Variants in ATG10 observed in about 807,000 individuals in gnomAD.
The protein encoded by ATG10 is autophagy related 10.
A neutral mutation model predicts 32.1 loss-of-function variants in ATG10; 30 were observed. That is an observed-to-expected ratio of 0.94 (90% CI 0.70 to 1.27). ATG10 has a LOEUF of 1.27. ATG10 is among the 50% of genes most tolerant of loss of function. The pLI is 0.00. For synonymous variants in ATG10, 87 were observed against 91.5 expected, an observed-to-expected ratio of 0.95 and a Z score of 0.28; for missense variants, 233 against 262.3, an observed-to-expected ratio of 0.89 and a Z score of 0.77.
At chr5:82,000,713 G>T (rs1458382011) in intron 2 of ATG10, among the ~76,000 whole-genome samples, 1 of 152,136 alleles carries the variant, frequency 6.6e-6, no homozygotes, top group Non-Finnish European at 1.5e-5. Context: ...CTGGAGTGCA[G>T]TGGCACAATC....
chr5:82,151,846 CT>C (rs1168791949), intron 3 of ATG10, among the ~76,000 whole-genome samples: 1 of 114,502 alleles, frequency 8.7e-6, no homozygotes, highest in Non-Finnish European at 2.0e-5. Flanking sequence ...TGAATAAAAC[CT>C]CTTACAGCTA....
chr5:82,097,457 CAGG>C (rs1476522864), intron 3 of ATG10, among the ~76,000 whole-genome samples: 4 of 152,130 alleles, frequency 2.6e-5, no homozygotes, highest in Non-Finnish European at 5.9e-5. Flanking sequence ...AAAGAAGTCT[CAGG>C]AGAAGTCACA....
At chr5:82,032,489 C>A (rs1040533143) in intron 2 of ATG10, among the ~76,000 whole-genome samples, 1 of 151,954 alleles carries the variant, frequency 6.6e-6, no homozygotes, top group Non-Finnish European at 1.5e-5. Flanking sequence ...TTTTACTGTT[C>A]TTTTTCCTCT....
chr5:82,229,526 A>C (rs1746263193), intron 5 of ATG10, among the ~76,000 whole-genome samples: 1 of 152,206 alleles, frequency 6.6e-6, no homozygotes. Flanking sequence ...AACTGTAATT[A>C]ATATATAATT....
chr5:82,127,567 G>A (rs1009395671), intron 3 of ATG10, among the ~76,000 whole-genome samples: 7 of 152,128 alleles, frequency 4.6e-5, no homozygotes, highest in Admixed American at 4.6e-4. Context: ...GGAGCAGGTT[G>A]TTCATTTTCC....
intron 5 of ATG10, among the ~76,000 whole-genome samples, chr5:82,185,006 C>G (rs1486413336): frequency 1.3e-5 from 2 of 152,182 alleles, no homozygotes; most frequent in East Asian, 3.9e-4. Context: ...TTCATGAAAC[C>G]TACTGTGTAC....
In ATG10 at chr5:82,206,581, C is replaced by T. The variant is rs192456544; in HGVS notation, c.453+27994C>T. Among the ~76,000 whole-genome samples, 236 of 149,940 alleles carry T rather than the reference C, an allele frequency of 1.6e-3. 2 individuals carry two copies. The highest frequency in any genetic ancestry group is 5.4e-3 in the African/African-American group (220 of 40,642). On this transcript the variant is annotated intron_variant, in intron 5 of 7. Transcript: ENST00000282185. ...AGGAGAATCACTTGAACCTGCGAGGCGGAGGTTGCAGTGAGCCGAGATCGC... is the reference window on the plus strand; with the variant it reads ...AGGAGAATCACTTGAACCTGCGAGGTGGAGGTTGCAGTGAGCCGAGATCGC...
At chr5:82,137,351 A>G (rs1452370478) in intron 3 of ATG10, among the ~76,000 whole-genome samples, 2 of 152,166 alleles carry the variant, frequency 1.3e-5, no homozygotes, top group Non-Finnish European at 2.9e-5. Flanking sequence ...TCGTGGATTT[A>G]TCTACCTTTG....
At chr5:82,006,161 T>G (rs1341305368) in intron 2 of ATG10, among the ~76,000 whole-genome samples, 1 of 152,234 alleles carries the variant, frequency 6.6e-6, no homozygotes, top group African/African-American at 2.4e-5. Flanking sequence ...TTTGCCATTA[T>G]GCTAATACAT....
intron 2 of ATG10, among the ~76,000 whole-genome samples, chr5:82,044,894 C>T (rs1763190993): frequency 1.3e-5 from 2 of 152,194 alleles, no homozygotes; most frequent in Admixed American, 1.3e-4. Flanking sequence ...ACAAAAGGCT[C>T]CTCTGAGGAT....
chr5:82,028,821 C>T (rs1219138846), intron 2 of ATG10, among the ~76,000 whole-genome samples: 1 of 151,982 alleles, frequency 6.6e-6, no homozygotes, highest in African/African-American at 2.4e-5. Context: ...AATAAATAAA[C>T]CTAATAGAAA....
At chr5:82,132,298 G>A (rs1766572455) in intron 3 of ATG10, among the ~76,000 whole-genome samples, 1 of 151,942 alleles carries the variant, frequency 6.6e-6, no homozygotes, top group Middle Eastern at 3.4e-3. Context: ...TGTGCAGAAT[G>A]TGCAGGTTTG....
At chr5:82,170,296 G>T (rs1184425792) in intron 4 of ATG10, among the ~76,000 whole-genome samples, 1 of 152,160 alleles carries the variant, frequency 6.6e-6, no homozygotes, top group Non-Finnish European at 1.5e-5. Context: ...ATATACATGA[G>T]TGCCTACTGT....
chr5:82,239,984 A>G (rs1746719248), intron 5 of ATG10, among the ~76,000 whole-genome samples: 1 of 152,184 alleles, frequency 6.6e-6, no homozygotes, highest in Non-Finnish European at 1.5e-5. Context: ...GTCTCACTCC[A>G]GTTAAAATGG....
intron 3 of ATG10, among the ~76,000 whole-genome samples, chr5:82,152,657 A>T (rs1275511785): frequency 6.6e-6 from 1 of 152,214 alleles, no homozygotes; most frequent in Non-Finnish European, 1.5e-5. Context: ...TACCCAGATC[A>T]TCACCCAACT....
At chr5:82,108,679 A>G (rs1290769668) in intron 3 of ATG10, among the ~76,000 whole-genome samples, 1 of 152,080 alleles carries the variant, frequency 6.6e-6, no homozygotes, top group East Asian at 1.9e-4. Context: ...TTTTTGCATT[A>G]TATGATGTCA....
At chr5:82,033,687 C>T (rs893631587) in intron 2 of ATG10, among the ~76,000 whole-genome samples, 2 of 151,202 alleles carry the variant, frequency 1.3e-5, no homozygotes, top group Admixed American at 1.3e-4. Context: ...TTAGACTCAC[C>T]TTGTAGATCT....
chr5:82,185,825 C>G (rs924070529), intron 5 of ATG10, among the ~76,000 whole-genome samples: 1 of 152,140 alleles, frequency 6.6e-6, no homozygotes. Context: ...CTTAAGTGCT[C>G]AAGTGAAGTT....
intron 5 of ATG10, among the ~76,000 whole-genome samples, chr5:82,226,610 A>ATATAACTTTTGT (rs1448336259): frequency 6.6e-6 from 1 of 152,214 alleles, no homozygotes; most frequent in Non-Finnish European, 1.5e-5. Context: ...GTATCATCCT[A>ATATAACTTTTGT]ATAAAAGTTT....
Sources: gnomAD v4.1 joint callset for allele counts (sites outside exome capture counted in the v4.1 genomes callset) on GRCh38, gnomAD v4.1.1 for gene constraint, MANE v1.5 for transcripts, NCBI Gene and HGNC (gene_info 2026-07-23, HGNC 2026-07-21) for gene names.